Variants in TUSC3 observed in about 807,000 individuals in gnomAD.
The protein encoded by TUSC3 is dolichyl-diphosphooligosaccharide--protein glycosyltransferase subunit TUSC3.
Under a neutral mutation model 44.8 loss-of-function variants are expected in TUSC3, and 45 were observed. That is an observed-to-expected ratio of 1.00 (90% CI 0.79 to 1.29). The LOEUF (loss-of-function observed/expected upper bound fraction) is 1.29, where lower values mean the gene tolerates loss of function less well. Ranked by LOEUF, TUSC3 falls within the 50% of genes most tolerant of loss-of-function variation. The pLI, the probability that TUSC3 is intolerant of heterozygous loss-of-function variation, is 0.00. For missense variants in TUSC3, 519 were observed against 437.9 expected (o/e 1.19, Z -1.65); for synonymous variants, 212 against 152.9 (o/e 1.39, Z -2.85).
intron 1 of TUSC3, among the ~76,000 whole-genome samples, chr8:15,555,062 A>C (rs1203051893): frequency 6.6e-6 from 1 of 150,562 alleles, no homozygotes; most frequent in African/African-American, 2.4e-5. Context: ...AATGTAAGGA[A>C]TTGGTTGTTA....
intron 2 of TUSC3, among the ~76,000 whole-genome samples, chr8:15,512,959 T>TATATATATATATATATA (rs1585071684): frequency 1.2e-4 from 17 of 139,804 alleles, no homozygotes; most frequent in African/African-American, 4.6e-4. Context: ...TATATATATA[T>TATATATATATATATATA]GATTCTTTTT....
intron 6 of TUSC3, among the ~76,000 whole-genome samples, chr8:15,708,761 T>A (rs1443124351): frequency 6.6e-6 from 1 of 151,924 alleles, no homozygotes; most frequent in East Asian, 1.9e-4. Flanking sequence ...ATGGCTTCTA[T>A]TTCAAGATCT....
chr8:15,749,298 G>A lies in TUSC3; in HGVS notation c.1028+833G>A, dbSNP rs115822852. Among the ~76,000 whole-genome samples, 554 of 152,242 alleles carry A rather than the reference G, an allele frequency of 3.6e-3. 4 individuals carry two copies. Among genetic ancestry groups the A allele is most frequent in the African/African-American group, 0.013 (535 of 41,548 alleles). Reference sequence around the variant, plus strand: ...CTCAAAGCCTACATTTCTTCCACCTGTGAGCAGTGGACATTTTTAGAACGT... The same window carrying A: ...CTCAAAGCCTACATTTCTTCCACCTATGAGCAGTGGACATTTTTAGAACGT... On this transcript the variant is annotated intron_variant, in intron 9 of 10. Coordinates refer to ENST00000503731, the MANE Select transcript of TUSC3 (RefSeq NM_006765.4).
At chr8:15,523,783 C>T (rs928046929) in intron 2 of TUSC3, among the ~76,000 whole-genome samples, 1 of 148,704 alleles carries the variant, frequency 6.7e-6, no homozygotes, top group Admixed American at 6.7e-5. Context: ...AGAGGCAGGG[C>T]GCGGAGGCTT....
the TUSC3 span, among the ~76,000 whole-genome samples, chr8:15,824,954 A>T: frequency 1.3e-5 from 2 of 151,934 alleles, no homozygotes; most frequent in African/African-American, 4.8e-5. Flanking sequence ...CATAAGATTG[A>T]CTCTCTATAT....
chr8:15,723,226 C>T (rs1475586259), intron 6 of TUSC3, among the ~76,000 whole-genome samples: 2 of 152,050 alleles, frequency 1.3e-5, no homozygotes, highest in East Asian at 3.9e-4. Context: ...TACTCCACAA[C>T]AGATCGTGCA....
chr8:15,475,265 T>C (rs575448916), intron 1 of TUSC3, among the ~76,000 whole-genome samples: 1 of 152,320 alleles, frequency 6.6e-6, no homozygotes, highest in South Asian at 2.1e-4. Flanking sequence ...TGCCTGAAGT[T>C]ATAGAAGTGG....
In TUSC3 at chr8:15,648,725, CAAAAAAAAAAA is replaced by C. The variant is rs58526383; in HGVS notation, c.309-1951_309-1941del. Among the ~76,000 whole-genome samples, 451 of 26,154 alleles carry C rather than the reference CAAAAAAAAAAA, an allele frequency of 0.017. 31 individuals are homozygous for C. The East Asian group carries it at 0.24, about 14-fold the overall frequency. 17.2% of individuals were successfully genotyped at this position (26,154 alleles called of 152,430 possible). ...TGGGTGACAGAGCAAGACTCTGTGT[CAAAAAAAAAAA>C]AAAAAAAAAAAAAAAAAAAAGACAT... On this transcript the variant is annotated intron_variant, in intron 2 of 10. Coordinates refer to ENST00000503731, the MANE Select transcript of TUSC3 (RefSeq NM_006765.4).
chr8:15,479,305 A>G (rs540655525), intron 1 of TUSC3, among the ~76,000 whole-genome samples: 30 of 152,000 alleles, frequency 2.0e-4, no homozygotes, highest in African/African-American at 6.8e-4. Context: ...CCATTTGTCA[A>G]TTTTTGCTTT....
At chr8:15,424,182 T>A (rs907499992) in intron 1 of TUSC3, among the ~76,000 whole-genome samples, 2 of 151,166 alleles carry the variant, frequency 1.3e-5, no homozygotes, top group African/African-American at 4.9e-5. Context: ...ATAGAGGGGG[T>A]TTCACCATGT....
intron 1 of TUSC3, among the ~76,000 whole-genome samples, chr8:15,475,134 C>G (rs954247653): frequency 2.0e-5 from 3 of 152,092 alleles, no homozygotes; most frequent in Admixed American, 1.3e-4. Flanking sequence ...AGTTATTATG[C>G]TCTGAGGCAC....
intron 1 of TUSC3, among the ~76,000 whole-genome samples, chr8:15,466,796 T>C (rs1800420228): frequency 6.6e-6 from 1 of 152,148 alleles, no homozygotes; most frequent in African/African-American, 2.4e-5. Context: ...CTGATTTTCC[T>C]CCATGGGCAT....
chr8:15,846,775 G>A, the TUSC3 span, among the ~76,000 whole-genome samples: 3 of 151,866 alleles, frequency 2.0e-5, no homozygotes, highest in Admixed American at 6.6e-5. Flanking sequence ...TGTAGATGAC[G>A]GGTTGATGGG....
chr8:15,820,991 C>T, the TUSC3 span, among the ~76,000 whole-genome samples: 1 of 152,106 alleles, frequency 6.6e-6, no homozygotes, highest in Non-Finnish European at 1.5e-5. Context: ...TTACTCTTAA[C>T]AAAACATTTC....
At chr8:15,656,310 A>G (rs1334481218) in intron 3 of TUSC3, among the ~76,000 whole-genome samples, 1 of 152,110 alleles carries the variant, frequency 6.6e-6, no homozygotes, top group African/African-American at 2.4e-5. Flanking sequence ...TCAGGACATG[A>G]TTCATCCTGA....
chr8:15,722,107 C>T (rs1176636218), intron 6 of TUSC3, among the ~76,000 whole-genome samples: 2 of 151,940 alleles, frequency 1.3e-5, no homozygotes, highest in Non-Finnish European at 2.9e-5. Flanking sequence ...GGTTGTTTTA[C>T]GTTATCCTAG....
At chr8:15,482,936 A>T (rs1800682405) in intron 1 of TUSC3, among the ~76,000 whole-genome samples, 1 of 152,228 alleles carries the variant, frequency 6.6e-6, no homozygotes, top group South Asian at 2.1e-4. Context: ...GTGTGTTTTA[A>T]TAAATTAAAA....
intron 6 of TUSC3, among the ~76,000 whole-genome samples, chr8:15,688,173 G>A (rs541083274): frequency 2.6e-5 from 4 of 151,558 alleles, no homozygotes; most frequent in Non-Finnish European, 2.9e-5. Flanking sequence ...TATTTTCATC[G>A]TATCAATAAA....
chr8:15,784,953 C>A, the TUSC3 span, among the ~76,000 whole-genome samples: 21 of 151,790 alleles, frequency 1.4e-4, no homozygotes, highest in African/African-American at 4.8e-4. Context: ...ATGTATTAGG[C>A]CAGTTTGATC....
Sources: gnomAD v4.1 joint callset for allele counts (sites outside exome capture counted in the v4.1 genomes callset) on GRCh38, gnomAD v4.1.1 for gene constraint, MANE v1.5 for transcripts, NCBI Gene and HGNC (gene_info 2026-07-23, HGNC 2026-07-21) for gene names.